Variants in CFDP1 observed in about 807,000 individuals in gnomAD.
CFDP1 encodes chromatin remodeling protein CFDP1.
In CFDP1, 31 loss-of-function variants were observed where a neutral mutation model predicts 40.1. The observed-to-expected ratio is 0.77, with a 90% confidence interval of 0.58 to 1.04. The LOEUF is 1.04. CFDP1 is among the 50% of genes least tolerant of loss of function. CFDP1 has a pLI of 0.00. For missense variants in CFDP1, 423 were observed against 343.4 expected (o/e 1.23, Z -1.83); for synonymous variants, 167 against 120.0 (o/e 1.39, Z -2.56).
chr16:75,318,655 T>C (rs557019968), intron 5 of CFDP1, among the ~76,000 whole-genome samples: 15 of 152,180 alleles, frequency 9.9e-5, no homozygotes, highest in Non-Finnish European at 1.8e-4. Flanking sequence ...CCGCCCGCCT[T>C]GGCCTCCCAA....
At chr16:75,294,284 G>C (rs1020624388) in intron 6 of CFDP1, among the ~76,000 whole-genome samples, 5 of 152,304 alleles carry the variant, frequency 3.3e-5, no homozygotes, top group African/African-American at 1.2e-4. Context: ...GGAAGATGTT[G>C]CAATTTTCTA....
At chr16:75,362,419 C>T (rs561869690) in intron 5 of CFDP1, among the ~76,000 whole-genome samples, 5 of 152,214 alleles carry the variant, frequency 3.3e-5, no homozygotes, top group Non-Finnish European at 2.9e-5. Flanking sequence ...CCAGGCAAGG[C>T]ATCCCTATGT....
chr16:75,349,664 A>ATATAT (rs1567653440), intron 5 of CFDP1, among the ~76,000 whole-genome samples: 5 of 16,100 alleles, frequency 3.1e-4, no homozygotes, highest in Non-Finnish European at 5.3e-4. Context: ...AAAAAAAAAA[A>ATATAT]AAAAAAAAAA....
In CFDP1 at chr16:75,375,655, G is replaced by A. The variant is rs1215954187; in HGVS notation, c.650+19435C>T. ...AAAAATACAAAAATTAGCCAGGTGT[G>A]GTGGCATCCACCTGTAGTCCCAGCT... On this transcript the variant is annotated intron_variant, in intron 5 of 6. Coordinates refer to ENST00000283882, the MANE Select transcript of CFDP1 (RefSeq NM_006324.3). Among the ~76,000 whole-genome samples, 3 of 152,130 alleles carry A rather than the reference G, an allele frequency of 2.0e-5. No homozygotes were observed. The South Asian group carries it at 6.2e-4, about 32-fold the overall frequency.
At chr16:75,294,613 T>C (rs369462731) in intron 6 of CFDP1, among the ~76,000 whole-genome samples, 17 of 152,194 alleles carry the variant, frequency 1.1e-4, no homozygotes, top group African/African-American at 3.4e-4. Context: ...GTGCACACTT[T>C]AGAAGTGATT....
chr16:75,385,882 T>C (rs1769670340), intron 5 of CFDP1, among the ~76,000 whole-genome samples: 1 of 152,232 alleles, frequency 6.6e-6, no homozygotes. Flanking sequence ...ATTTATATTA[T>C]CATACTAAGT....
chr16:75,296,989 A>G (rs1458708918), intron 6 of CFDP1, among the ~76,000 whole-genome samples: 1 of 147,136 alleles, frequency 6.8e-6, no homozygotes, highest in African/African-American at 2.5e-5. Context: ...CAAGATACTT[A>G]ATTTTCTGTG....
chr16:75,343,789 T>G (rs963967757), intron 5 of CFDP1, among the ~76,000 whole-genome samples: 3 of 152,166 alleles, frequency 2.0e-5, no homozygotes, highest in African/African-American at 4.8e-5. Flanking sequence ...TGCAGGGTCA[T>G]CTCGCGCATG....
intron 6 of CFDP1, among the ~76,000 whole-genome samples, chr16:75,295,481 G>A (rs1001265254): frequency 1.3e-5 from 2 of 152,224 alleles, no homozygotes; most frequent in African/African-American, 4.8e-5. Flanking sequence ...ACAGGGCACA[G>A]AGCAGGTACT....
Position 75,300,261 on chromosome 16 carries a change from G to C in CFDP1, c.809+4763C>G, listed in dbSNP as rs372025823. Among the ~76,000 whole-genome samples, 27 of 152,160 alleles carry C rather than the reference G, an allele frequency of 1.8e-4. 1 individual carries two copies. In the South Asian group the frequency reaches 5.0e-3, roughly 28 times the overall value. ...CAATTGGACTTGTGGGATGTTGGTG[G>C]AAAGACAGGAAATCAAGGATGAAGC... On this transcript the variant is annotated intron_variant, in intron 6 of 6. Coordinates refer to ENST00000283882, the MANE Select transcript of CFDP1 (RefSeq NM_006324.3).
At chr16:75,350,028 T>C (rs1228696591) in intron 5 of CFDP1, among the ~76,000 whole-genome samples, 1 of 152,086 alleles carries the variant, frequency 6.6e-6, no homozygotes, top group Non-Finnish European at 1.5e-5. Context: ...TTCATGGATG[T>C]CCTTTATCAG....
chr16:75,411,983 A>C, intron 3 of CFDP1, 31 bp from the exon 4 acceptor site: 2 of 1,573,038 alleles, frequency 1.3e-6, no homozygotes, highest in Non-Finnish European at 8.6e-7. Context: ...GTAATGTTTC[A>C]CCAAAAGATG....
At chr16:75,294,798 A>T (rs900995079) in intron 6 of CFDP1, among the ~76,000 whole-genome samples, 1 of 152,126 alleles carries the variant, frequency 6.6e-6, no homozygotes, top group African/African-American at 2.4e-5. Context: ...TCCCCTTGAA[A>T]GGTGGACACT....
intron 5 of CFDP1, among the ~76,000 whole-genome samples, chr16:75,351,108 T>C (rs1042871720): frequency 5.9e-5 from 9 of 152,230 alleles, no homozygotes; most frequent in Non-Finnish European, 1.2e-4. Flanking sequence ...AATGGATATT[T>C]ATATGACATC....
chr16:75,313,794 G>C (rs541731414), intron 5 of CFDP1, among the ~76,000 whole-genome samples: 34 of 152,304 alleles, frequency 2.2e-4, no homozygotes, highest in Admixed American at 1.6e-3. Context: ...AAATTCCATA[G>C]AGAATCTCAA....
chr16:75,401,221 A>C (rs2079049782), intron 4 of CFDP1, among the ~76,000 whole-genome samples: 1 of 151,938 alleles, frequency 6.6e-6, no homozygotes. Flanking sequence ...GAGGTCAGGA[A>C]ATCAAGACCA....
intron 5 of CFDP1, among the ~76,000 whole-genome samples, chr16:75,371,976 CT>C (rs1050508949): frequency 2.0e-5 from 3 of 152,176 alleles, no homozygotes; most frequent in African/African-American, 7.2e-5. Flanking sequence ...GTGCCAGGAA[CT>C]GTAGTGACAC....
In CFDP1 at chr16:75,399,618, G is replaced by C. The variant is rs965721030; in HGVS notation, c.531-4409C>G. ...GGATTCAAACTCCTGGGCTCAAGTGGTCCTCCTGCCTTGGCCTCCCAGTGC... is the reference window on the plus strand; with the variant it reads ...GGATTCAAACTCCTGGGCTCAAGTGCTCCTCCTGCCTTGGCCTCCCAGTGC... On this transcript the variant is annotated intron_variant, in intron 4 of 6. Coordinates refer to ENST00000283882, the MANE Select transcript of CFDP1 (RefSeq NM_006324.3). Among the ~76,000 whole-genome samples the C allele has an allele frequency of 2.0e-5, 3 of 152,048 alleles. No individual in the cohort carries two copies. The East Asian group carries it at 5.8e-4, about 30-fold the overall frequency.
Position 75,433,454 on chromosome 16 carries a change from C to A in CFDP1, c.-102G>T, listed in dbSNP as rs976002350. The A allele has an allele frequency of 7.7e-6, 9 of 1,169,194 alleles. No homozygotes were observed. The Admixed American group carries it at 1.2e-4, about 16-fold the overall frequency. 72.4% of individuals were successfully genotyped at this position (1,169,194 alleles called of 1,614,324 possible). On this transcript the variant is annotated 5_prime_UTR_variant, in exon 1 of 7. Coordinates refer to ENST00000283882, the MANE Select transcript of CFDP1 (RefSeq NM_006324.3). ...CATAGAGCCCCGGCGGCGGCGACGGCAGCTAGGGCGGCCCCCGACAGCGCT... is the reference window on the plus strand; with the variant it reads ...CATAGAGCCCCGGCGGCGGCGACGGAAGCTAGGGCGGCCCCCGACAGCGCT...
Sources: allele counts gnomAD v4.1 joint callset (sites outside exome capture counted in the v4.1 genomes callset), GRCh38; gene constraint gnomAD v4.1.1; transcripts MANE v1.5; gene names NCBI Gene and HGNC (gene_info 2026-07-23, HGNC 2026-07-21).